Variants in FOXN1 observed in about 807,000 individuals in gnomAD.
FOXN1 encodes the protein forkhead box N1.
A neutral mutation model predicts 49.0 loss-of-function variants in FOXN1; 15 were observed. The observed-to-expected ratio is 0.31, with a 90% CI of 0.20 to 0.47. FOXN1 has a LOEUF of 0.47. Ranked by LOEUF, FOXN1 falls within the 20% of genes least tolerant of loss-of-function variation. FOXN1 has a pLI of 1.00. For missense variants in FOXN1, 800 were observed against 842.8 expected (o/e 0.95, Z 0.63); for synonymous variants, 356 against 369.0 (o/e 0.96, Z 0.40).
chr17:28,514,573 G>A (rs1597534143), intron 1 of FOXN1, among the ~76,000 whole-genome samples: 1 of 152,232 alleles, frequency 6.6e-6, no homozygotes, highest in East Asian at 1.9e-4. Flanking sequence ...TTGCCGAGCT[G>A]CTCCAGGGGA....
intron 4 of FOXN1, 54 bp downstream of exon 4, chr17:28,527,415 G>T: frequency 1.0e-6 from 1 of 980,560 alleles, no homozygotes. Context: ...TATCGTGTGT[G>T]TGTATGTGGT....
chr17:28,525,362 C>T (rs769039788), intron 3 of FOXN1, among the ~76,000 whole-genome samples: 1 of 152,122 alleles, frequency 6.6e-6, no homozygotes, highest in Non-Finnish European at 1.5e-5. Flanking sequence ...ACAGTTTTTC[C>T]CTCCCCAGCC....
rs667486 is a variant in FOXN1 at position 28,534,051 on chromosome 17, C to G, written c.928-280C>G. On this transcript the variant is annotated intron_variant, in intron 6 of 8. Coordinates refer to ENST00000579795, the MANE Select transcript of FOXN1 (RefSeq NM_001369369.1). This position sits in a 1 kb window ranked among gnomAD's most constrained non-coding sequence, Gnocchi z 4.1. ...GTAGCGCCCACCAGCCCTGGCTTTC[C>G]GAATCACCTCGGCAGTCCTCTGAGG... Among the ~76,000 whole-genome samples, 30,822 of 152,050 alleles carry G rather than the reference C, an allele frequency of 0.2. 3,448 individuals carry two copies. The highest frequency in any genetic ancestry group is 0.29 in the African/African-American group (12,017 of 41,420).
intron 1 of FOXN1, among the ~76,000 whole-genome samples, chr17:28,523,591 G>A (rs1479953964): frequency 6.6e-6 from 1 of 152,136 alleles, no homozygotes; most frequent in African/African-American, 2.4e-5. Flanking sequence ...ACAGGAGACC[G>A]ATCTTGAGGA....
At position 28,524,816 on chromosome 17, in the gene FOXN1, G is replaced by A. The variant is rs2069728252; in HGVS notation, c.437G>A (p.Gly146Glu). ...GCCGAGACCACCCTGGCCCTCAAAGGACACTCCTTTAAGACCCCAGGGCCG... is the reference window on the plus strand; with the variant it reads ...GCCGAGACCACCCTGGCCCTCAAAGAACACTCCTTTAAGACCCCAGGGCCG... ...PEAETTLALK[G>E]HSFKTPGPLE... The change falls in exon 3 of 9, where the codon GGA (glycine) becomes GAA (glutamate). Residue 146 changes from glycine (G) to glutamate (E), a missense_variant. Coordinates refer to ENST00000579795, the MANE Select transcript of FOXN1 (RefSeq NM_001369369.1). 1 of 1,613,738 alleles carries A rather than the reference G, an allele frequency of 6.2e-7. No homozygotes were observed. The highest frequency in any genetic ancestry group is 1.1e-5 in the South Asian group (1 of 91,066).
chr17:28,516,821 G>C (rs138057636), intron 1 of FOXN1, among the ~76,000 whole-genome samples: 1,627 of 73,938 alleles, frequency 0.022, 331 homozygotes, highest in African/African-American at 0.067. Context: ...ACCTCCACAG[G>C]ATACACACCT....
chr17:28,537,614 G>A lies in FOXN1; in HGVS notation c.*178G>A. The A allele has an allele frequency of 1.5e-6, 1 of 656,830 alleles. No homozygotes were observed. The highest frequency in any genetic ancestry group is 2.8e-6 in the Non-Finnish European group (1 of 360,874). 40.7% of individuals were successfully genotyped at this position (656,830 alleles called of 1,614,324 possible). A position where few individuals can be genotyped will look rare whatever the true frequency, so the allele number is the denominator to read the frequency against. ...CGCAGAGGACATCACCTGGGGTGCT[G>A]CCTCTCACACATTTCTGCCACGTGG... On this transcript the variant is annotated 3_prime_UTR_variant, in exon 9 of 9. Transcript: ENST00000579795.
chr17:28,521,555 T>TC (rs1318669101), intron 1 of FOXN1, among the ~76,000 whole-genome samples: 1 of 152,250 alleles, frequency 6.6e-6, no homozygotes, highest in Non-Finnish European at 1.5e-5. Flanking sequence ...CGCTGTGGTG[T>TC]CCCGTTACGG....
At chr17:28,531,578 C>T (rs2069916589) in intron 6 of FOXN1, among the ~76,000 whole-genome samples, 2 of 152,176 alleles carry the variant, frequency 1.3e-5, no homozygotes, top group Admixed American at 6.5e-5. Flanking sequence ...CTGGATCAAG[C>T]TATTTGGCTT....
In FOXN1 at chr17:28,524,863, C is replaced by T. The variant is rs938510836; in HGVS notation, c.484C>T (p.Pro162Ser). The T allele has an allele frequency of 1.2e-6, 2 of 1,613,738 alleles. No homozygotes were observed. Among genetic ancestry groups the T allele is most frequent in the Admixed American group, 3.3e-5 (2 of 60,020 alleles). ...GCCGCTGGAGGCCTTCGAGGAGATCCCAGTGGACGTGGCGGAGGCCGAGGC... is the reference window on the plus strand; with the variant it reads ...GCCGCTGGAGGCCTTCGAGGAGATCTCAGTGGACGTGGCGGAGGCCGAGGC... ...PGPLEAFEEI[P>S]VDVAEAEAFL... is the part of the protein sequence containing the mutation. The change falls in exon 3 of 9, where the codon CCA (proline) becomes TCA (serine). Residue 162 changes from proline (P) to serine (S), a missense_variant. Pro to Ser is a moderately conservative substitution (Grantham distance 74, BLOSUM62 -1). Around this residue, in one of 3 missense-constraint regions of FOXN1, gnomAD observed 383 missense variants for 357.9 expected, o/e 1.07. Transcript: ENST00000579795.
rs975247663 is a variant in FOXN1 at position 28,509,636 on chromosome 17, C to T, written c.-15+3193C>T. ...CTTAGCTTCCTCATCCTATCTGGGC[C>T]GTAAAGGCTGGATGCTCACCAAACA... On this transcript the variant is annotated intron_variant, in intron 1 of 8. Transcript: ENST00000579795. Among the ~76,000 whole-genome samples, 4 of 152,192 alleles carry T rather than the reference C, an allele frequency of 2.6e-5. No individual in the cohort carries two copies. The South Asian group carries it at 8.3e-4, about 32-fold the overall frequency.
In FOXN1 at chr17:28,524,033, G is replaced by A. The variant is rs545707585; in HGVS notation, c.64G>A (p.Glu22Lys). ...TLPGPTRLEG[E>K]RQGDLMQAPG... ...GCCGGGCCCCACCAGACTGGAGGGC[G>A]AGCGCCAAGGGGACCTCATGCAGGC... Residue 22 changes from glutamate to lysine, a missense_variant, in exon 2 of 9, where the codon GAG (glutamate) becomes AAG (lysine). Glu to Lys is a moderately conservative substitution (Grantham distance 56). This residue lies in a region of FOXN1 where 383 missense variants were observed against 357.9 expected (regional missense o/e 1.07). Coordinates refer to ENST00000579795, the MANE Select transcript of FOXN1 (RefSeq NM_001369369.1). The A allele has an allele frequency of 1.1e-5, 17 of 1,612,200 alleles. No homozygotes were observed. In the East Asian group the frequency reaches 1.8e-4, roughly 17 times the overall value.
At chr17:28,532,332 T>C (rs1174373046) in intron 6 of FOXN1, among the ~76,000 whole-genome samples, 1 of 152,212 alleles carries the variant, frequency 6.6e-6, no homozygotes, top group Non-Finnish European at 1.5e-5. Context: ...ACTCCTGAGT[T>C]TACATTTGAT....
intron 6 of FOXN1, among the ~76,000 whole-genome samples, chr17:28,533,799 C>T (rs1250909258): frequency 6.6e-6 from 1 of 152,220 alleles, no homozygotes; most frequent in African/African-American, 2.4e-5. Flanking sequence ...CACACCCAAA[C>T]ACTCACCAAC....
At chr17:28,529,612 G>A (rs917483935) in intron 5 of FOXN1, among the ~76,000 whole-genome samples, 2 of 152,172 alleles carry the variant, frequency 1.3e-5, no homozygotes. Context: ...AGGAAATGGG[G>A]GATGAGGCCT....
In FOXN1 at chr17:28,529,118, C is replaced by T. The variant is rs140921495; in HGVS notation, c.724C>T (p.Pro242Ser). Residue 242 changes from proline to serine, a missense_variant, in exon 5 of 9, where the codon CCC (proline) becomes TCC (serine). By Grantham distance (74) the Pro-to-Ser change is moderately conservative. This residue lies in a region of FOXN1 where 383 missense variants were observed against 357.9 expected (regional missense o/e 1.07). Coordinates refer to ENST00000579795, the MANE Select transcript of FOXN1 (RefSeq NM_001369369.1). ...HQYSPGGGSY[P>S]IPYLGSSHYQ... ...GTACTCGCCAGGTGGTGGCAGCTAC[C>T]CCATACCCTACCTGGGCTCCTCACA... is the stretch of plus-strand genomic sequence containing the variant. 300 of 1,614,154 alleles carry T rather than the reference C, an allele frequency of 1.9e-4. No individual in the cohort carries two copies. The highest frequency in any genetic ancestry group is 1.8e-3 in the Middle Eastern group (11 of 6,062).
chr17:28,520,106 G>A (rs1316117816), intron 1 of FOXN1, among the ~76,000 whole-genome samples: 1 of 152,216 alleles, frequency 6.6e-6, no homozygotes, highest in African/African-American at 2.4e-5. Flanking sequence ...AGGAAACTGA[G>A]GCATGGGGAA....
chr17:28,523,911 A>G (rs483434), intron 1 of FOXN1, 45 bp from the exon 2 acceptor site: 9 of 1,610,352 alleles, frequency 5.6e-6, no homozygotes, highest in Admixed American at 1.7e-5. Context: ...GTTGGTCCCC[A>G]CTGGATGCTG....
At position 28,527,327 on chromosome 17, in the gene FOXN1, A is replaced by G; in HGVS notation, c.665A>G (p.His222Arg). 1.2e-6 allele frequency: 2 copies of G among 1,613,600 alleles called. No individual in the cohort carries two copies. The highest frequency in any genetic ancestry group is 1.7e-6 in the Non-Finnish European group (2 of 1,179,598). Residue 222 changes from histidine (H) to arginine (R), a missense_variant, in exon 4 of 9, where the codon CAT becomes CGT. Coordinates refer to ENST00000579795, the MANE Select transcript of FOXN1 (RefSeq NM_001369369.1). ...GMFCYQPPLQ[H>R]MYCSSQPPFH... ...TTCTGCTACCAGCCTCCCTTGCAGC[A>G]TATGTACTGCTCCTCCCAGCCCCCC...
Sources: gnomAD v4.1 joint callset for allele counts (sites outside exome capture counted in the v4.1 genomes callset) on GRCh38, gnomAD v4.1.1 for gene constraint, gnomAD v4.1.1 regional missense constraint, Gnocchi (gnomAD v3.1) non-coding constraint, MANE v1.5 for transcripts, NCBI Gene and HGNC (gene_info 2026-07-23, HGNC 2026-07-21) for gene names.